The following AASDHPPT variants were observed in gnomAD, a reference collection of about 807,000 sequenced individuals.
The protein encoded by AASDHPPT is L-aminoadipate-semialdehyde dehydrogenase-phosphopantetheinyl transferase.
AASDHPPT carries 23 observed loss-of-function variants against 36.4 expected under a neutral mutation model. The ratio of observed to expected loss-of-function variants is 0.63; its 90% CI spans 0.45 to 0.89. The LOEUF is 0.89. AASDHPPT is among the 40% of genes least tolerant of loss of function. The probability of loss-of-function intolerance (pLI) is 0.00; values close to 1 mark genes in which losing one functional copy is unlikely to be tolerated. For missense variants in AASDHPPT, 377 were observed against 378.2 expected (o/e 1.00, Z 0.03); for synonymous variants, 115 against 128.0 (o/e 0.90, Z 0.68).
chr11:106,087,018 A>G lies in AASDHPPT; in HGVS notation c.410-3539A>G, dbSNP rs573122064. ...TTCGCAGCCCAGTAGTTCTAGCTCT[A>G]TCAGCCTGTTTCTTGCCTCTGTGTG... is the stretch of plus-strand genomic sequence containing the variant. On this transcript the variant is annotated intron_variant, in intron 2 of 5. Transcript: ENST00000278618. Among the ~76,000 whole-genome samples the G allele has an allele frequency of 2.0e-5, 3 of 152,292 alleles. No individual in the cohort carries two copies. In the East Asian group the frequency reaches 5.8e-4, roughly 29 times the overall value.
In AASDHPPT at chr11:106,097,022, A is replaced by G. The variant is rs544243871; in HGVS notation, c.*115A>G. 2.7e-6 allele frequency: 3 copies of G among 1,124,782 alleles called. No individual in the cohort carries two copies. In the African/African-American group the frequency reaches 5.0e-5, roughly 19 times the overall value. 69.7% of individuals were successfully genotyped at this position (1,124,782 alleles called of 1,614,324 possible). On this transcript the variant is annotated 3_prime_UTR_variant, in exon 6 of 6. Coordinates refer to ENST00000278618, the MANE Select transcript of AASDHPPT (RefSeq NM_015423.3). ...TTTCACGAAAGTTTTTTTAAAGAACAGAAACTTTTCCAATTAAAAAAAAAA... is the reference window on the plus strand; with the variant it reads ...TTTCACGAAAGTTTTTTTAAAGAACGGAAACTTTTCCAATTAAAAAAAAAA...
At chr11:106,078,273 G>T (rs1861087256) in intron 1 of AASDHPPT, among the ~76,000 whole-genome samples, 1 of 151,936 alleles carries the variant, frequency 6.6e-6, no homozygotes, top group Non-Finnish European at 1.5e-5. Flanking sequence ...CATAGCCTAT[G>T]CTTATTCTGC....
Position 106,097,139 on chromosome 11 carries a change from T to C in AASDHPPT, c.*232T>C, listed in dbSNP as rs1448512072. ...TGAATTGATAGGAAGGATGGCGGAA[T>C]CTTAAAGTGATACATGCTAACTGTA... On this transcript the variant is annotated 3_prime_UTR_variant, in exon 6 of 6. Coordinates refer to ENST00000278618, the MANE Select transcript of AASDHPPT (RefSeq NM_015423.3). The C allele has an allele frequency of 7.5e-6, 3 of 398,288 alleles. No individual in the cohort carries two copies. The East Asian group carries it at 1.4e-4, about 19-fold the overall frequency. 24.7% of individuals were successfully genotyped at this position (398,288 alleles called of 1,614,324 possible).
rs370685039 is a variant in AASDHPPT, at chr11:106,078,674, A to C, written c.183+781A>C. ...GCACATTGGTGAAAATTTTTTACTC[A>C]TTTGTAAGGAATTGTAAAATAAGCT... On this transcript the variant is annotated intron_variant, in intron 1 of 5. Coordinates refer to ENST00000278618, the MANE Select transcript of AASDHPPT (RefSeq NM_015423.3). Among the ~76,000 whole-genome samples the C allele has an allele frequency of 9.2e-5, 14 of 152,188 alleles. 1 individual carries two copies. The highest frequency in any genetic ancestry group is 3.4e-4 in the African/African-American group (14 of 41,452).
intron 2 of AASDHPPT, among the ~76,000 whole-genome samples, chr11:106,084,220 A>C (rs889815289): frequency 6.6e-6 from 1 of 152,166 alleles, no homozygotes; most frequent in African/African-American, 2.4e-5. Context: ...AGATGGAAAC[A>C]CTAGAAATTG....
intron 5 of AASDHPPT, among the ~76,000 whole-genome samples, chr11:106,096,359 A>G (rs188996805): frequency 2.0e-5 from 3 of 152,292 alleles, no homozygotes; most frequent in African/African-American, 7.2e-5. Context: ...CTTTTAGAGT[A>G]GTATTTCACA....
chr11:106,094,530 C>G lies in AASDHPPT; in HGVS notation c.694-53C>G, dbSNP rs1555078892. On this transcript the variant is annotated intron_variant, in intron 4 of 5. Coordinates refer to ENST00000278618, the MANE Select transcript of AASDHPPT (RefSeq NM_015423.3). ...GATTTAGAAAATGTAAACAAAGTTA[C>G]ATCTAGGTTTACATATTTTATAATC... is the stretch of plus-strand genomic sequence containing the variant. The G allele has an allele frequency of 4.6e-6, 6 of 1,307,518 alleles. No individual in the cohort carries two copies. In the South Asian group the frequency reaches 5.5e-5, roughly 12 times the overall value. 81.0% of individuals were successfully genotyped at this position (1,307,518 alleles called of 1,614,324 possible).
intron 4 of AASDHPPT, 146 bp from the exon 5 acceptor site, chr11:106,094,437 G>A (rs1861291303): frequency 3.9e-6 from 2 of 515,598 alleles, no homozygotes; most frequent in Non-Finnish European, 6.5e-6. Context: ...AGCGGAGGTG[G>A]GGAAATATAT....
chr11:106,080,811 A>G (rs890519026), intron 2 of AASDHPPT, among the ~76,000 whole-genome samples: 1 of 152,208 alleles, frequency 6.6e-6, no homozygotes, highest in Non-Finnish European at 1.5e-5. Flanking sequence ...CTCAGTCTGT[A>G]AGGCTTGTAT....
intron 2 of AASDHPPT, among the ~76,000 whole-genome samples, chr11:106,081,985 T>G (rs1412467673): frequency 1.3e-5 from 2 of 151,850 alleles, no homozygotes; most frequent in Non-Finnish European, 2.9e-5. Context: ...TGTGCACATG[T>G]ACCCTAGAAC....
Position 106,091,175 on chromosome 11 carries a change from A to G in AASDHPPT, c.532-141A>G, listed in dbSNP as rs997813657. On this transcript the variant is annotated intron_variant, in intron 3 of 5. Coordinates refer to ENST00000278618, the MANE Select transcript of AASDHPPT (RefSeq NM_015423.3). ...TATGGATGGTTTGTTTTCATGCTGTAAGGGTTTTTTTTTAAAAAGGTTATA... is the reference window on the plus strand; with the variant it reads ...TATGGATGGTTTGTTTTCATGCTGTGAGGGTTTTTTTTTAAAAAGGTTATA... The G allele has an allele frequency of 4.4e-5, 29 of 661,722 alleles. No individual in the cohort carries two copies. The African/African-American group carries it at 5.5e-4, about 13-fold the overall frequency. The allele number at this position is 661,722 out of a possible 1,614,324, so 41.0% of individuals were successfully genotyped here.
At chr11:106,087,112 T>G (rs1861205884) in intron 2 of AASDHPPT, among the ~76,000 whole-genome samples, 1 of 152,230 alleles carries the variant, frequency 6.6e-6, no homozygotes, top group Non-Finnish European at 1.5e-5. Flanking sequence ...AATGGTGAGT[T>G]TCAAACCTAG....
chr11:106,081,357 C>T (rs1861138916), intron 2 of AASDHPPT, among the ~76,000 whole-genome samples: 1 of 152,182 alleles, frequency 6.6e-6, no homozygotes, highest in African/African-American at 2.4e-5. Flanking sequence ...ATCTGATTCC[C>T]TGGATAAGAT....
At chr11:106,078,309 AGGACTCCCTGCACGT>A (rs1861087893) in intron 1 of AASDHPPT, among the ~76,000 whole-genome samples, 1 of 152,136 alleles carries the variant, frequency 6.6e-6, no homozygotes, top group Non-Finnish European at 1.5e-5. Context: ...TCATTCTCCA[AGGACTCCCTGCACGT>A]GGTAGGCCCT....
intron 4 of AASDHPPT, chr11:106,093,207 A>C (rs1861273614): frequency 6.6e-6 from 1 of 152,168 alleles, no homozygotes; most frequent in Admixed American, 6.5e-5. Flanking sequence ...CTCTACAAAA[A>C]ATTTAAAAAA....
At position 106,096,869 on chromosome 11, in the gene AASDHPPT, A is replaced by C; in HGVS notation, c.892A>C (p.Thr298Pro). Residue 298 changes from threonine to proline, a missense_variant, in exon 6 of 6, where the codon ACA becomes CCA. Physicochemically the swap from Thr to Pro is conservative, Grantham distance 38. Coordinates refer to ENST00000278618, the MANE Select transcript of AASDHPPT (RefSeq NM_015423.3). ...TTCATTTTGGGACTGTTTTTGCTTC[A>C]CAGAAGAAATTCCAATACGAAATGG... ...DPSFWDCFCFTEEIPIRNGTK... is the reference protein window; with the variant it reads ...DPSFWDCFCFPEEIPIRNGTK... 2 of 1,610,344 alleles carry C rather than the reference A, an allele frequency of 1.2e-6. No homozygotes were observed. The highest frequency in any genetic ancestry group is 8.5e-7 in the Non-Finnish European group (1 of 1,178,672).
intron 2 of AASDHPPT, among the ~76,000 whole-genome samples, chr11:106,082,058 A>G (rs1861148976): frequency 6.6e-6 from 1 of 152,238 alleles, no homozygotes; most frequent in Admixed American, 6.5e-5. Flanking sequence ...AATTGAGCAA[A>G]AATTTAAGAT....
chr11:106,094,464 GTGTACGTATA>G (rs1861291749), intron 4 of AASDHPPT, 109 bp from the exon 5 acceptor site: 1 of 654,166 alleles, frequency 1.5e-6, no homozygotes, highest in Non-Finnish European at 2.4e-6. Flanking sequence ...ACGCGTGTGA[GTGTACGTATA>G]TGTATATATA....
At chr11:106,091,291 GAGA>G in intron 3 of AASDHPPT, 22 bp from the exon 4 acceptor site, 3 of 1,563,878 alleles carry the variant, frequency 1.9e-6, no homozygotes. Flanking sequence ...CAAATTCTAA[GAGA>G]AAATGTCTTT....
Sources: gnomAD v4.1 joint callset for allele counts (sites outside exome capture counted in the v4.1 genomes callset) on GRCh38, gnomAD v4.1.1 for gene constraint, MANE v1.5 for transcripts, NCBI Gene and HGNC (gene_info 2026-07-23, HGNC 2026-07-21) for gene names.